RAB3GAP2: variants seen among roughly 807,000 people sequenced by gnomAD.
RAB3GAP2 encodes rab3 GTPase-activating protein non-catalytic subunit.
Under a neutral mutation model 185.3 loss-of-function variants are expected in RAB3GAP2, and 87 were observed. The observed-to-expected ratio is 0.47, with a 90% CI of 0.39 to 0.56. The LOEUF is 0.56. Among genes scored for constraint, RAB3GAP2 ranks in the 20% least tolerant of loss-of-function variants. RAB3GAP2 has a pLI of 0.00. For synonymous variants in RAB3GAP2, 554 were observed against 576.1 expected, an observed-to-expected ratio of 0.96 and a Z score of 0.55; for missense variants, 1,492 against 1,638.2, an observed-to-expected ratio of 0.91 and a Z score of 1.54.
At chr1:220,213,835 T>C (rs747052331) in intron 3 of RAB3GAP2, 21 bp downstream of exon 3, 14 of 1,607,994 alleles carry the variant, frequency 8.7e-6, no homozygotes, top group Non-Finnish European at 1.2e-5. Flanking sequence ...TAAAGGTCGC[T>C]GAAAATAATA....
intron 28 of RAB3GAP2, among the ~76,000 whole-genome samples, chr1:220,160,505 GC>G (rs1278196708): frequency 6.6e-6 from 1 of 152,138 alleles, no homozygotes; most frequent in Non-Finnish European, 1.5e-5. Context: ...CATTTACTGA[GC>G]CCTTACCACA....
intron 4 of RAB3GAP2, among the ~76,000 whole-genome samples, chr1:220,211,594 A>T (rs184275235): frequency 1.2e-4 from 18 of 152,128 alleles, no homozygotes; most frequent in African/African-American, 4.1e-4. Flanking sequence ...AAAAAGATAT[A>T]TTTTTTTTCT....
At chr1:220,232,462 G>A (rs79694835) in intron 2 of RAB3GAP2, among the ~76,000 whole-genome samples, 26 of 152,246 alleles carry the variant, frequency 1.7e-4, no homozygotes, top group Middle Eastern at 6.8e-3. Flanking sequence ...CACCTTCACC[G>A]TATTATGATG....
intron 2 of RAB3GAP2, among the ~76,000 whole-genome samples, chr1:220,227,038 A>G (rs751953116): frequency 7.2e-5 from 11 of 152,250 alleles, no homozygotes; most frequent in Non-Finnish European, 1.3e-4. Context: ...CCCCGATGGC[A>G]CCTTGATCTT....
At chr1:220,216,090 A>G (rs901801857) in intron 2 of RAB3GAP2, among the ~76,000 whole-genome samples, 1 of 152,162 alleles carries the variant, frequency 6.6e-6, no homozygotes, top group Non-Finnish European at 1.5e-5. Context: ...GAATCTTTAG[A>G]AATACCCCAA....
intron 1 of RAB3GAP2, chr1:220,253,767 G>A: frequency 6.2e-7 from 1 of 1,611,732 alleles, no homozygotes; most frequent in Non-Finnish European, 8.5e-7. Flanking sequence ...TCAAATACGT[G>A]GACACCAATT....
intron 26 of RAB3GAP2, among the ~76,000 whole-genome samples, chr1:220,166,550 G>A (rs541373047): frequency 1.3e-5 from 2 of 152,332 alleles, no homozygotes; most frequent in East Asian, 3.9e-4. Flanking sequence ...TGGCCCTCTT[G>A]AGCCAGAAGC....
At chr1:220,269,570 A>C (rs1660297949) in intron 1 of RAB3GAP2, among the ~76,000 whole-genome samples, 1 of 152,084 alleles carries the variant, frequency 6.6e-6, no homozygotes, top group South Asian at 2.1e-4. Flanking sequence ...AAAAATACAA[A>C]CATTAGCCGG....
At chr1:220,192,217 G>C (rs1367317047) in intron 13 of RAB3GAP2, among the ~76,000 whole-genome samples, 3 of 152,180 alleles carry the variant, frequency 2.0e-5, no homozygotes, top group Non-Finnish European at 4.4e-5. Context: ...GAGAAATGAT[G>C]TATCTGCAGT....
chr1:220,267,090 C>T, intron 1 of RAB3GAP2: 2 of 1,581,176 alleles, frequency 1.3e-6, no homozygotes, highest in Non-Finnish European at 1.7e-6. Flanking sequence ...GTTCTGACCA[C>T]CCAAAATTTG....
At position 220,210,271 on chromosome 1, in the gene RAB3GAP2, G is replaced by A. The variant is rs149215068; in HGVS notation, c.612+117C>T. The A allele has an allele frequency of 8.6e-4, 688 of 800,998 alleles. 3 individuals are homozygous for A. The East Asian group carries it at 0.015, about 18-fold the overall frequency. The allele number at this position is 800,998 out of a possible 1,614,324, so 49.6% of individuals were successfully genotyped here. On this transcript the variant is annotated intron_variant, in intron 7 of 34. Coordinates refer to ENST00000358951, the MANE Select transcript of RAB3GAP2 (RefSeq NM_012414.4). ...TATATTTCTAGACTATGATAGCAGA[G>A]CTAACTAACTGTGCCACAAGACAAA... is the stretch of plus-strand genomic sequence containing the variant.
intron 1 of RAB3GAP2, among the ~76,000 whole-genome samples, chr1:220,234,275 G>A (rs1255333030): frequency 6.6e-6 from 1 of 152,116 alleles, no homozygotes; most frequent in Non-Finnish European, 1.5e-5. Flanking sequence ...TTAAAATTCT[G>A]GGGGGAAAAC....
chr1:220,160,615 T>C (rs874331), intron 28 of RAB3GAP2, among the ~76,000 whole-genome samples: 7,421 of 152,312 alleles, frequency 0.049, 219 homozygotes, highest in African/African-American at 0.08. Context: ...TTTCTTCTAA[T>C]ATAGCCTATG....
chr1:220,263,694 C>A (rs962188626), intron 1 of RAB3GAP2, among the ~76,000 whole-genome samples: 1 of 152,008 alleles, frequency 6.6e-6, no homozygotes, highest in Non-Finnish European at 1.5e-5. Flanking sequence ...TACAGCTTTG[C>A]AATATGCTTT....
At chr1:220,159,442 G>A (rs1657921080) in intron 28 of RAB3GAP2, 21 bp from the exon 29 acceptor site, 2 of 1,546,036 alleles carry the variant, frequency 1.3e-6, no homozygotes, top group Admixed American at 1.7e-5. Flanking sequence ...AAGATAAAAT[G>A]TTGTAACATT....
At position 220,175,635 on chromosome 1, in the gene RAB3GAP2, T is replaced by C. The variant is rs1242904238; in HGVS notation, c.2311-2893A>G. ...AAAATTGGCAGCCAGAAGTTTATTT[T>C]ATATTAAGGCAGCCAAAAAAATTAA... is the stretch of plus-strand genomic sequence containing the variant. On this transcript the variant is annotated intron_variant, in intron 21 of 34. Transcript: ENST00000358951. Among the ~76,000 whole-genome samples, 4 of 152,244 alleles carry C rather than the reference T, an allele frequency of 2.6e-5. No homozygotes were observed. The East Asian group carries it at 5.8e-4, about 22-fold the overall frequency.
chr1:220,178,220 G>A (rs1658333086), intron 21 of RAB3GAP2, among the ~76,000 whole-genome samples: 1 of 152,094 alleles, frequency 6.6e-6, no homozygotes. Context: ...ATGAAAAAGG[G>A]AAATAAAAGA....
At chr1:220,161,879 CT>C (rs900322578) in intron 28 of RAB3GAP2, among the ~76,000 whole-genome samples, 2 of 152,118 alleles carry the variant, frequency 1.3e-5, no homozygotes, top group African/African-American at 4.8e-5. Context: ...ATATCTTGGC[CT>C]TACATCAAAG....
rs750379226 is a variant in RAB3GAP2, at chr1:220,182,723, G to A, written c.2207C>T (p.Ala736Val). 14 of 1,591,674 alleles carry A rather than the reference G, an allele frequency of 8.8e-6. No homozygotes were observed. The East Asian group carries it at 2.9e-4, about 33-fold the overall frequency. Residue 736 changes from alanine to valine, a missense_variant, in exon 20 of 35, where the codon GCT becomes GTT. Physicochemically the swap from Ala to Val is moderately conservative, Grantham distance 64. This residue lies in a region of RAB3GAP2 where 681 missense variants were observed against 689.1 expected (regional missense o/e 0.99). Transcript: ENST00000358951. Reference protein sequence around the residue: ...IKKISEEEYVALGSFFFWKCL... With the variant: ...IKKISEEEYVVLGSFFFWKCL... ...CAGTGTATTATTTTACCTACCTAAAGCCACATATTCCTCTTCACTTATTTT... is the reference window on the plus strand; with the variant it reads ...CAGTGTATTATTTTACCTACCTAAAACCACATATTCCTCTTCACTTATTTT...
Sources: allele counts gnomAD v4.1 joint callset (sites outside exome capture counted in the v4.1 genomes callset), GRCh38; gene constraint gnomAD v4.1.1; regional missense constraint gnomAD v4.1.1; transcripts MANE v1.5; gene names NCBI Gene and HGNC (gene_info 2026-07-23, HGNC 2026-07-21).